CASK: variants seen among roughly 807,000 people sequenced by gnomAD.
CASK encodes calcium/calmodulin dependent serine protein kinase.
In CASK, 4 loss-of-function variants were observed where a neutral mutation model predicts 82.9. The ratio of observed to expected loss-of-function variants is 0.05; its 90% CI spans 0.02 to 0.11. The LOEUF is 0.11. CASK is among the 10% of genes least tolerant of loss of function. CASK has a pLI of 1.00. For missense variants in CASK, 358 were observed against 720.9 expected, an observed-to-expected ratio of 0.50 and a Z score of 5.76; for synonymous variants, 259 against 253.5, an observed-to-expected ratio of 1.02 and a Z score of -0.20.
At chrX:41,772,621 T>G (rs1475669555) in intron 3 of CASK, among the ~76,000 whole-genome samples, 3 of 111,460 alleles carry the variant, frequency 2.7e-5, no homozygotes, top group African/African-American at 9.8e-5. Flanking sequence ...ACCCTGAATA[T>G]TCCTATAAAT....
At chrX:41,721,251 C>A in intron 5 of CASK, among the ~76,000 whole-genome samples, 1 of 110,974 alleles carries the variant, frequency 9.0e-6, no homozygotes, top group African/African-American at 3.3e-5. Flanking sequence ...TTGTAACATA[C>A]TTTATTAATC....
chrX:41,630,930 T>C (rs1334666500), intron 9 of CASK, among the ~76,000 whole-genome samples: 11 of 111,973 alleles, frequency 9.8e-5, no homozygotes, highest in Non-Finnish European at 2.1e-4. Flanking sequence ...TTAGGTGAGA[T>C]GATTAATTAA....
intron 21 of CASK, 109 bp downstream of exon 21, chrX:41,553,610 G>T: frequency 1.7e-6 from 1 of 577,537 alleles, no homozygotes; most frequent in East Asian, 3.6e-5. Context: ...CGTAAAGGAA[G>T]GAATATATCA....
chrX:41,727,192 C>T (rs778320779), intron 5 of CASK: 8 of 1,203,116 alleles, frequency 6.6e-6, no homozygotes, highest in African/African-American at 1.8e-5. Flanking sequence ...CTACCTGTCA[C>T]ACCTTGTGAC....
At chrX:41,814,355 C>T (rs909929160) in intron 2 of CASK, among the ~76,000 whole-genome samples, 1 of 111,080 alleles carries the variant, frequency 9.0e-6, no homozygotes, top group African/African-American at 3.3e-5. Context: ...AATGTCCATC[C>T]ATGATAGACT....
intron 3 of CASK, among the ~76,000 whole-genome samples, chrX:41,767,109 T>C (rs182603014): frequency 4.1e-4 from 46 of 112,222 alleles, no homozygotes; most frequent in African/African-American, 1.5e-3. Flanking sequence ...AGAAAACTTT[T>C]TATTTTAGAA....
chrX:41,791,620 G>A (rs779282658), intron 2 of CASK, among the ~76,000 whole-genome samples: 117 of 108,694 alleles, frequency 1.1e-3, no homozygotes, highest in African/African-American at 3.8e-3. Context: ...CTACTCGGGA[G>A]GCTGAGACAG....
intron 2 of CASK, among the ~76,000 whole-genome samples, chrX:41,841,511 GT>G (rs1193063113): frequency 0.029 from 2,352 of 80,086 alleles, 31 homozygotes; most frequent in African/African-American, 0.063. Context: ...TTTCCTTTTT[GT>G]TTTTTTTTTT....
chrX:41,617,660 C>T (rs181417089), intron 11 of CASK, among the ~76,000 whole-genome samples: 53 of 111,443 alleles, frequency 4.8e-4, no homozygotes, highest in African/African-American at 1.7e-3. Context: ...TAGTTCAGTA[C>T]CAACCATCTA....
At chrX:41,598,134 GACACAC>G (rs757204318) in intron 12 of CASK, among the ~76,000 whole-genome samples, 3 of 99,917 alleles carry the variant, frequency 3.0e-5, no homozygotes, top group Non-Finnish European at 6.1e-5. Context: ...CTGAGGCCCT[GACACAC>G]ACACACACAC....
At chrX:41,785,337 A>G (rs756332712) in intron 3 of CASK, among the ~76,000 whole-genome samples, 26 of 111,893 alleles carry the variant, frequency 2.3e-4, no homozygotes, top group Non-Finnish European at 4.1e-4. Flanking sequence ...TTGCCAGAAA[A>G]GATTTTGAAG....
At chrX:41,683,572 G>C (rs1343996629) in intron 5 of CASK, 1 of 111,573 alleles carries the variant, frequency 9.0e-6, no homozygotes, top group Non-Finnish European at 1.9e-5. Context: ...GAGGTGGGAG[G>C]ATCACTTGAG....
intron 2 of CASK, among the ~76,000 whole-genome samples, chrX:41,810,486 G>C (rs1391377948): frequency 9.0e-6 from 1 of 111,209 alleles, no homozygotes; most frequent in Non-Finnish European, 1.9e-5. Flanking sequence ...GCCAAACTAA[G>C]CTTCATAAGT....
intron 22 of CASK, among the ~76,000 whole-genome samples, chrX:41,536,733 T>C (rs2064879068): frequency 1.8e-5 from 2 of 112,221 alleles, no homozygotes; most frequent in Admixed American, 1.9e-4. Flanking sequence ...CCTCTAGCAA[T>C]AGCTAAAAAC....
chrX:41,625,376 C>A (rs780965916), intron 10 of CASK, among the ~76,000 whole-genome samples: 1 of 109,998 alleles, frequency 9.1e-6, no homozygotes, highest in South Asian at 3.9e-4. Flanking sequence ...CTAGTAGAGA[C>A]AGGTTTTCAC....
At chrX:41,710,917 C>T (rs764324943) in intron 5 of CASK, among the ~76,000 whole-genome samples, 56 of 111,863 alleles carry the variant, frequency 5.0e-4, no homozygotes, top group Non-Finnish European at 8.7e-4. Context: ...GTGGAGTTTC[C>T]CAGATGGTGG....
At chrX:41,573,232 T>G (rs980905732) in intron 15 of CASK, among the ~76,000 whole-genome samples, 2 of 107,069 alleles carry the variant, frequency 1.9e-5, no homozygotes, top group African/African-American at 6.8e-5. Flanking sequence ...TGTTTTTTTT[T>G]GGTCTGTTTC....
At position 41,700,931 on chromosome X, in the gene CASK, CA is replaced by C. The variant is rs1215266415; in HGVS notation, c.430-29402del. Among the ~76,000 whole-genome samples the C allele has an allele frequency of 8.6e-3, 317 of 37,064 alleles. 2 individuals are homozygous for C. The highest frequency in any genetic ancestry group is 0.036 in the African/African-American group (303 of 8,468). 32.2% of individuals were successfully genotyped at this position (37,064 alleles called of 115,157 possible). A position where few individuals can be genotyped will look rare whatever the true frequency, so the allele number is the denominator to read the frequency against. On this transcript the variant is annotated intron_variant, in intron 5 of 26. Transcript: ENST00000378163. ...TGGGCGACAGAGTGAGACTCCGTCT[CA>C]AAAAAAAAAAAAAAAAAAAAAAAGG...
chrX:41,906,646 C>T lies in CASK; in HGVS notation c.59+16284G>A, dbSNP rs1246452925. 7.1e-5 allele frequency among the ~76,000 whole-genome samples: 8 copies of T among 112,170 alleles called. No homozygotes were observed. In the East Asian group the frequency reaches 1.1e-3, roughly 16 times the overall value. Reference sequence around the variant, plus strand: ...GCCTCCTATGCACATGAGGGCAGGACAACACAGAAAGAGTCACCACAGCAT... The same window carrying T: ...GCCTCCTATGCACATGAGGGCAGGATAACACAGAAAGAGTCACCACAGCAT... On this transcript the variant is annotated intron_variant, in intron 1 of 26. Coordinates refer to ENST00000378163, the MANE Select transcript of CASK (RefSeq NM_001367721.1).
Sources: gnomAD v4.1 joint callset for allele counts (sites outside exome capture counted in the v4.1 genomes callset) on GRCh38, gnomAD v4.1.1 for gene constraint, MANE v1.5 for transcripts, NCBI Gene and HGNC (gene_info 2026-07-23, HGNC 2026-07-21) for gene names.